AUH: variants seen among roughly 807,000 people sequenced by gnomAD.
The protein encoded by AUH is AU RNA binding methylglutaconyl-CoA hydratase.
Under a neutral mutation model 42.3 loss-of-function variants are expected in AUH, and 29 were observed. The ratio of observed to expected loss-of-function variants is 0.69; its 90% CI spans 0.51 to 0.93. AUH has a LOEUF of 0.93. Ranked by LOEUF, AUH falls within the 40% of genes least tolerant of loss-of-function variation. AUH has a pLI of 0.00. For missense variants in AUH, 452 were observed against 438.1 expected (o/e 1.03, Z -0.28); for synonymous variants, 174 against 166.4 (o/e 1.05, Z -0.35).
chr9:91,251,217 G>A (rs928367167), intron 6 of AUH, among the ~76,000 whole-genome samples: 1 of 152,160 alleles, frequency 6.6e-6, no homozygotes, highest in Non-Finnish European at 1.5e-5. Flanking sequence ...TCCCCTCTAG[G>A]TGCAGCAGCA....
intron 6 of AUH, among the ~76,000 whole-genome samples, chr9:91,259,428 G>C (rs965361832): frequency 1.3e-5 from 2 of 150,870 alleles, no homozygotes; most frequent in Non-Finnish European, 3.0e-5. Context: ...TGATCAGGTT[G>C]GCTTTTTTTT....
intron 3 of AUH, among the ~76,000 whole-genome samples, chr9:91,347,053 T>A (rs1831565874): frequency 6.6e-6 from 1 of 151,994 alleles, no homozygotes; most frequent in Non-Finnish European, 1.5e-5. Context: ...TTTTGTTTTT[T>A]TGAGACAGGG....
intron 3 of AUH, among the ~76,000 whole-genome samples, chr9:91,338,584 C>T (rs1830866316): frequency 6.6e-6 from 1 of 152,190 alleles, no homozygotes; most frequent in African/African-American, 2.4e-5. Flanking sequence ...GTGCCCACCA[C>T]CACGCCCTGC....
intron 4 of AUH, among the ~76,000 whole-genome samples, chr9:91,324,903 G>T (rs968588946): frequency 6.6e-6 from 1 of 151,680 alleles, no homozygotes; most frequent in Non-Finnish European, 1.5e-5. Flanking sequence ...TAAAATTTTG[G>T]ATAAGACTGG....
In AUH at chr9:91,300,935, AT is replaced by A. The variant is rs1387443696; in HGVS notation, c.506-2860del. The stretch of plus-strand genomic sequence containing the variant: ...CATAACCTTTTCTATCAGAACATTC[AT>A]TACCATACAGCCCATATGAAACAAA... On this transcript the variant is annotated intron_variant, in intron 4 of 9. Coordinates refer to ENST00000375731, the MANE Select transcript of AUH (RefSeq NM_001698.3). Among the ~76,000 whole-genome samples, 3 of 152,322 alleles carry A rather than the reference AT, an allele frequency of 2.0e-5. No homozygotes were observed. In the East Asian group the frequency reaches 5.8e-4, roughly 29 times the overall value.
At chr9:91,267,245 A>G (rs1389516296) in intron 6 of AUH, among the ~76,000 whole-genome samples, 1 of 152,224 alleles carries the variant, frequency 6.6e-6, no homozygotes, top group Non-Finnish European at 1.5e-5. Context: ...TTTAAAAAAA[A>G]ACTTTGCAAT....
chr9:91,236,415 T>C (rs1828183907), intron 6 of AUH, among the ~76,000 whole-genome samples: 1 of 152,176 alleles, frequency 6.6e-6, no homozygotes. Flanking sequence ...CATTTAATCC[T>C]TACAATTCCC....
chr9:91,307,680 C>T (rs1828336567), intron 4 of AUH, among the ~76,000 whole-genome samples: 1 of 152,056 alleles, frequency 6.6e-6, no homozygotes. Flanking sequence ...GCAAATTGTT[C>T]CGTTTTATTC....
At chr9:91,239,521 C>A (rs1828382987) in intron 6 of AUH, among the ~76,000 whole-genome samples, 2 of 152,124 alleles carry the variant, frequency 1.3e-5, no homozygotes, top group Non-Finnish European at 2.9e-5. Flanking sequence ...TGCATCAGGG[C>A]TTGATGCTTA....
chr9:91,324,570 A>G (rs915395412), intron 4 of AUH, among the ~76,000 whole-genome samples: 1 of 151,012 alleles, frequency 6.6e-6, no homozygotes, highest in African/African-American at 2.4e-5. Context: ...AGAAAGCCAA[A>G]TCTCATTTGA....
At position 91,355,895 on chromosome 9, in the gene AUH, TC is replaced by T; in HGVS notation, c.405del (p.Ile136TyrfsTer14). The T allele has an allele frequency of 6.2e-7, 1 of 1,610,568 alleles. No homozygotes were observed. The highest frequency in any genetic ancestry group is 8.5e-7 in the Non-Finnish European group (1 of 1,176,928). Reference protein sequence around the residue: ...RTIIIRSEVPGIFCAGADLKE... With the variant: ...RTIIIRSEVPXIFCAGADLKE... ...CATATTTACATACCAGCACAGAATA[TC>T]CCTGGGACTTCACTCCTGATTATTA... On this transcript the variant is annotated frameshift_variant, in exon 3 of 10. Transcript: ENST00000375731. LOFTEE classifies it high-confidence loss of function.
rs1051697204 is a variant in AUH, at chr9:91,226,341, A to C, written c.656-5349T>G. 6.2e-5 allele frequency among the ~76,000 whole-genome samples: 9 copies of C among 144,612 alleles called. No individual in the cohort carries two copies. The East Asian group carries it at 1.1e-3, about 17-fold the overall frequency. The allele number at this position is 144,612 out of a possible 152,430, so 94.9% of individuals were successfully genotyped here. ...TTTTCATGTGTTTTTTGGCTGCATA[A>C]ATGTCTTCTTTTGAGAAGTGTCTGT... is the stretch of plus-strand genomic sequence containing the variant. On this transcript the variant is annotated intron_variant, in intron 6 of 9. Coordinates refer to ENST00000375731, the MANE Select transcript of AUH (RefSeq NM_001698.3).
chr9:91,285,283 G>A (rs1396685416), intron 6 of AUH, among the ~76,000 whole-genome samples: 3 of 151,838 alleles, frequency 2.0e-5, no homozygotes, highest in East Asian at 3.9e-4. Flanking sequence ...ACATAGGAAG[G>A]GGAACATCAC....
At chr9:91,230,536 A>G (rs1377546549) in intron 6 of AUH, among the ~76,000 whole-genome samples, 1 of 152,140 alleles carries the variant, frequency 6.6e-6, no homozygotes, top group Non-Finnish European at 1.5e-5. Context: ...GATCGTCTGA[A>G]GCCTTCTTCT....
intron 4 of AUH, among the ~76,000 whole-genome samples, chr9:91,314,337 A>C (rs557640712): frequency 4.6e-4 from 70 of 151,716 alleles, no homozygotes; most frequent in African/African-American, 1.5e-3. Flanking sequence ...AAACAACACA[A>C]AACTTAGCCG....
intron 6 of AUH, among the ~76,000 whole-genome samples, chr9:91,240,898 G>A (rs1828476357): frequency 1.3e-5 from 2 of 152,080 alleles, no homozygotes; most frequent in African/African-American, 4.8e-5. Flanking sequence ...AGCTGAGGGA[G>A]AAGGTCTACA....
At position 91,286,993 on chromosome 9, in the gene AUH, CTTAAT is replaced by C. The variant is rs200030534; in HGVS notation, c.655+9023_655+9027del. ...ATATGAGGCAATACATGCTAATTAG[CTTAAT>C]TTAATCACTTCACAATGTGTGTGTG... On this transcript the variant is annotated intron_variant, in intron 6 of 9. Coordinates refer to ENST00000375731, the MANE Select transcript of AUH (RefSeq NM_001698.3). 9.6e-3 allele frequency among the ~76,000 whole-genome samples: 1,458 copies of C among 152,042 alleles called. 25 individuals are homozygous for C. The highest frequency in any genetic ancestry group is 0.033 in the African/African-American group (1,380 of 41,496).
chr9:91,220,471 T>A (rs1020997683), intron 7 of AUH, among the ~76,000 whole-genome samples: 13 of 152,234 alleles, frequency 8.5e-5, no homozygotes, highest in African/African-American at 3.1e-4. Context: ...ACTCTTTCTT[T>A]CCATGGCTAT....
chr9:91,274,694 TAAC>T (rs772772247), intron 6 of AUH, among the ~76,000 whole-genome samples: 88 of 152,288 alleles, frequency 5.8e-4, no homozygotes, highest in Admixed American at 1.5e-3. Flanking sequence ...TTATGTAGGT[TAAC>T]AACAACAAGA....
Sources: allele counts gnomAD v4.1 joint callset (sites outside exome capture counted in the v4.1 genomes callset), GRCh38; gene constraint gnomAD v4.1.1; transcripts MANE v1.5; gene names NCBI Gene and HGNC (gene_info 2026-07-23, HGNC 2026-07-21).